The following ALDH3B2 variants were observed in gnomAD, a reference collection of about 807,000 sequenced individuals.
ALDH3B2 encodes aldehyde dehydrogenase 3 family member B2.
A neutral mutation model predicts 36.7 loss-of-function variants in ALDH3B2; 45 were observed. The ratio of observed to expected loss-of-function variants is 1.23; its 90% CI spans 0.97 to 1.57. The LOEUF (loss-of-function observed/expected upper bound fraction) is 1.57. Ranked by LOEUF, ALDH3B2 falls within the 40% of genes most tolerant of loss-of-function variation. ALDH3B2 has a pLI of 0.00. For missense variants in ALDH3B2, 464 were observed against 513.3 expected (o/e 0.90, Z 0.93); for synonymous variants, 217 against 226.5 (o/e 0.96, Z 0.38).
chr11:67,669,454 G>C (rs1856018699), intron 1 of ALDH3B2, among the ~76,000 whole-genome samples: 1 of 126,616 alleles, frequency 7.9e-6, no homozygotes, highest in African/African-American at 2.8e-5. Flanking sequence ...GTCTGTGTGT[G>C]TATGGATGTC....
chr11:67,668,832 T>C (rs1855995205), intron 1 of ALDH3B2, among the ~76,000 whole-genome samples: 1 of 147,286 alleles, frequency 6.8e-6, no homozygotes, highest in Non-Finnish European at 1.5e-5. Context: ...TGTGTATGGG[T>C]GTCTGTGTGT....
exon 4 of ALDH3B2, chr11:67,666,651 C>T (rs1855926862): frequency 6.2e-7 from 1 of 1,614,154 alleles, no homozygotes; most frequent in East Asian, 2.2e-5. Flanking sequence ...GAGGACCAGG[C>T]CAAAGGGTTC....
At chr11:67,671,569 G>A (rs1262793449) in intron 1 of ALDH3B2, among the ~76,000 whole-genome samples, 1 of 142,020 alleles carries the variant, frequency 7.0e-6, no homozygotes, top group Admixed American at 7.2e-5. Flanking sequence ...TTTTTGGAAC[G>A]GAGTTTCGCT....
chr11:67,678,387 C>A (rs1856308609), upstream of ALDH3B2, among the ~76,000 whole-genome samples: 1 of 152,060 alleles, frequency 6.6e-6, no homozygotes, highest in African/African-American at 2.4e-5. Flanking sequence ...CCCTTTTCAA[C>A]AAATGGTCCT....
At chr11:67,677,916 C>T (rs1197852769), upstream of ALDH3B2, among the ~76,000 whole-genome samples, 3 of 151,836 alleles carry the variant, frequency 2.0e-5, no homozygotes, top group Non-Finnish European at 4.4e-5. Context: ...AAAAAGAAGT[C>T]GAAAGACCTC....
At chr11:67,678,403 A>G (rs1254076199), upstream of ALDH3B2, among the ~76,000 whole-genome samples, 1 of 152,166 alleles carries the variant, frequency 6.6e-6, no homozygotes, top group African/African-American at 2.4e-5. Context: ...GTCCTGGGAT[A>G]ATTGGCTAGC....
exon 7 of ALDH3B2, chr11:67,665,640 A>G (rs1202229486): frequency 7.1e-5 from 115 of 1,612,830 alleles, no homozygotes; most frequent in Non-Finnish European, 9.6e-5. Context: ...TGGTGGCAGC[A>G]GTCATGACAA....
At chr11:67,663,150 A>T (rs762056491) in exon 10 of ALDH3B2, 3 of 1,510,460 alleles carry the variant, frequency 2.0e-6, no homozygotes, top group Non-Finnish European at 1.8e-6. Flanking sequence ...GTGAGTTGGG[A>T]GCATAAGCCC....
chr11:67,669,554 GTGTC>G (rs1856024026), intron 1 of ALDH3B2, among the ~76,000 whole-genome samples: 1 of 149,328 alleles, frequency 6.7e-6, no homozygotes, highest in Non-Finnish European at 1.5e-5. Flanking sequence ...GTGTCTATGG[GTGTC>G]TGTGTGTCTG....
chr11:67,667,166 A>C, intron 2 of ALDH3B2, 150 bp from the exon 3 acceptor site: 1 of 600,218 alleles, frequency 1.7e-6, no homozygotes, highest in East Asian at 2.8e-5. Context: ...GGAACTGCGC[A>C]TGGCTGCAAT....
chr11:67,679,083 T>G (rs890118025), upstream of ALDH3B2, among the ~76,000 whole-genome samples: 1 of 152,104 alleles, frequency 6.6e-6, no homozygotes, highest in Non-Finnish European at 1.5e-5. Flanking sequence ...TGTATACTGC[T>G]CAGGTGATGG....
intron 3 of ALDH3B2, 64 bp from the exon 4 acceptor site, chr11:67,666,758 C>G: frequency 6.2e-7 from 1 of 1,609,526 alleles, no homozygotes; most frequent in African/African-American, 1.3e-5. Flanking sequence ...CCACTGCACA[C>G]TTGGGGCCTC....
intron 7 of ALDH3B2, 85 bp downstream of exon 7, chr11:67,665,200 A>G (rs1855862294): frequency 6.6e-7 from 1 of 1,516,580 alleles, no homozygotes; most frequent in African/African-American, 1.4e-5. Flanking sequence ...TTCAGGTGCG[A>G]GTCCAGACTC....
chr11:67,677,739 A>C (rs894293853), upstream of ALDH3B2, among the ~76,000 whole-genome samples: 2 of 152,202 alleles, frequency 1.3e-5, no homozygotes, highest in Non-Finnish European at 2.9e-5. Context: ...AAAACTGATA[A>C]AAGAATTCAG....
intron 1 of ALDH3B2, among the ~76,000 whole-genome samples, chr11:67,669,408 G>A (rs1460484998): frequency 1.4e-5 from 2 of 148,084 alleles, no homozygotes; most frequent in Non-Finnish European, 3.0e-5. Flanking sequence ...TCTGTGTATG[G>A]GTGCTGTATG....
chr11:67,666,289 G>T, intron 5 of ALDH3B2, 27 bp downstream of exon 5: 2 of 1,610,328 alleles, frequency 1.2e-6, no homozygotes, highest in Non-Finnish European at 1.7e-6. Flanking sequence ...GGGACGTCGG[G>T]CACTGCTGGG....
chr11:67,664,486 G>A lies in ALDH3B2; in HGVS notation c.783C>T (p.Ile261=), dbSNP rs1591141093. 3.1e-6 allele frequency: 5 copies of A among 1,613,960 alleles called. No individual in the cohort carries two copies. The East Asian group carries it at 6.7e-5, about 22-fold the overall frequency. Residue 261 remains isoleucine (I), a synonymous_variant, in exon 8 of 10, where the codon ATC becomes ATT. Coordinates refer to ENST00000349015, the Ensembl canonical transcript of ALDH3B2. ...CCTCGTCCACGCTCTGCACGTTCAC[G>A]ATGGGCAGGATGGGCCCGAAGATCT...
chr11:67,672,738 C>T (rs536420876), intron 1 of ALDH3B2, among the ~76,000 whole-genome samples: 2 of 151,014 alleles, frequency 1.3e-5, no homozygotes, highest in Admixed American at 6.6e-5. Flanking sequence ...TATAGGCATG[C>T]GCCCCCATGC....
At chr11:67,672,148 A>G (rs1300852172) in intron 1 of ALDH3B2, among the ~76,000 whole-genome samples, 13 of 96,134 alleles carry the variant, frequency 1.4e-4, no homozygotes, top group South Asian at 5.9e-4. Flanking sequence ...ATATATATGT[A>G]TTTTTTTTTT....
Sources: gnomAD v4.1 joint callset for allele counts (sites outside exome capture counted in the v4.1 genomes callset) on GRCh38, gnomAD v4.1.1 for gene constraint, MANE v1.5 for transcripts, NCBI Gene and HGNC (gene_info 2026-07-23, HGNC 2026-07-21) for gene names.